Variants in PDE4DIP observed in about 807,000 individuals in gnomAD.
The protein encoded by PDE4DIP is myomegalin.
In PDE4DIP, 59 loss-of-function variants were observed where a neutral mutation model predicts 221.4. The ratio of observed to expected loss-of-function variants is 0.27; its 90% CI spans 0.22 to 0.33. The LOEUF (loss-of-function observed/expected upper bound fraction) is 0.33, where lower values mean the gene tolerates loss of function less well. Among genes scored for constraint, PDE4DIP ranks in the 10% least tolerant of loss-of-function variants. The pLI, the probability that PDE4DIP is intolerant of heterozygous loss-of-function variation, is 1.00. For synonymous variants in PDE4DIP, 404 were observed against 815.9 expected (o/e 0.50, Z 8.60); for missense variants, 1,036 against 2,154.2 (o/e 0.48, Z 10.28).
intron 4 of PDE4DIP, among the ~76,000 whole-genome samples, chr1:148,934,016 T>C (rs1463236650): frequency 6.8e-6 from 1 of 147,952 alleles, no homozygotes; most frequent in Admixed American, 6.8e-5. Flanking sequence ...GTTTCAGGGA[T>C]TGCTGACATC....
chr1:149,030,338 G>T (rs1295614778), intron 43 of PDE4DIP, 60 bp downstream of exon 46: 16 of 1,550,994 alleles, frequency 1.0e-5, no homozygotes, highest in Non-Finnish European at 1.4e-5. Flanking sequence ...ATCACCATCC[G>T]TTAGCAGATC....
At chr1:149,030,323 C>G (rs782209199) in intron 43 of PDE4DIP, 45 bp downstream of exon 46, 2 of 1,551,354 alleles carry the variant, frequency 1.3e-6, no homozygotes, top group Non-Finnish European at 1.7e-6. Flanking sequence ...GCCTGTCCCC[C>G]ACCCATCACC....
chr1:148,967,483 G>T (rs1176112821), intron 12 of PDE4DIP, among the ~76,000 whole-genome samples: 1 of 151,904 alleles, frequency 6.6e-6, no homozygotes, highest in East Asian at 1.9e-4. Context: ...TTATAGCATA[G>T]TGCACTTCCT....
At chr1:148,998,057 C>G (rs1453519021) in intron 22 of PDE4DIP, 86 bp from the exon 26 acceptor site, 2 of 761,600 alleles carry the variant, frequency 2.6e-6, no homozygotes, top group Admixed American at 2.4e-5. Flanking sequence ...TGTTTTTGTT[C>G]TCATTTAAAA....
At chr1:149,024,222 G>A in intron 37 of PDE4DIP, 1 of 504,596 alleles carries the variant, frequency 2.0e-6, no homozygotes. Flanking sequence ...CTCTATAGGT[G>A]CATGTGTGTA....
Position 149,020,320 on chromosome 1 carries a change from C to T in PDE4DIP, c.5944C>T (p.Gln1982Ter). Reference sequence around the variant, plus strand: ...TTTCAGGGAGGAACGTCTTTCCCTCCAGGAAAACGACTCCAGGTAAGAGGG... The same window carrying T: ...TTTCAGGGAGGAACGTCTTTCCCTCTAGGAAAACGACTCCAGGTAAGAGGG... The change falls in exon 36 of 44, where the codon CAG (glutamine) becomes TAG (stop). Residue 1982 changes from glutamine to a stop codon, truncating the protein, a stop_gained. Transcript: ENST00000369354. LOFTEE classifies it high-confidence loss of function. 2 of 485,278 alleles carry T rather than the reference C, an allele frequency of 4.1e-6. No individual in the cohort carries two copies. The highest frequency in any genetic ancestry group is 6.6e-5 in the East Asian group (2 of 30,096). 30.1% of individuals were successfully genotyped at this position (485,278 alleles called of 1,614,324 possible).
intron 21 of PDE4DIP, chr1:148,985,848 G>C (rs2061824773): frequency 1.3e-5 from 2 of 152,096 alleles, no homozygotes; most frequent in African/African-American, 4.8e-5. Context: ...ATGGAGAATA[G>C]GGGTTTTAAG....
rs782125744 is a variant in PDE4DIP at position 148,966,989 on chromosome 1, C to T, written c.1605+13C>T. ...AGCTACTATGCAAGTAAGAGCAAAACCTATCTCTGACTTGGTGTTCCTCTC... is the reference window on the plus strand; with the variant it reads ...AGCTACTATGCAAGTAAGAGCAAAATCTATCTCTGACTTGGTGTTCCTCTC... On this transcript the variant is annotated intron_variant, in intron 12 of 43. Coordinates refer to ENST00000369354, the Ensembl canonical transcript of PDE4DIP. 1.5e-5 allele frequency: 19 copies of T among 1,300,996 alleles called. 2 individuals are homozygous for T. The South Asian group carries it at 2.3e-4, about 16-fold the overall frequency. 80.6% of individuals were successfully genotyped at this position (1,300,996 alleles called of 1,614,324 possible). A position where few individuals can be genotyped will look rare whatever the true frequency, so the allele number is the denominator to read the frequency against.
chr1:148,890,190 T>TGATTGGGAGCTCCAATCACCTTGGGAGC (rs1553435375), intron 1 of PDE4DIP, among the ~76,000 whole-genome samples: 1 of 53,990 alleles, frequency 1.9e-5, no homozygotes, highest in Non-Finnish European at 4.0e-5. Context: ...TGGGAGCTGG[T>TGATTGGGAGCTCCAATCACCTTGGGAGC]TTAAAATGTA....
intron 1 of PDE4DIP, 34 bp from the exon 5 acceptor site, chr1:148,929,163 A>T (rs2047295108): frequency 1.2e-6 from 2 of 1,610,754 alleles, no homozygotes; most frequent in East Asian, 4.5e-5. Context: ...TGTCTGTGGC[A>T]GTTAATAACG....
intron 1 of PDE4DIP, among the ~76,000 whole-genome samples, chr1:148,918,892 T>C (rs1292977940): frequency 1.2e-5 from 1 of 82,882 alleles, no homozygotes; most frequent in East Asian, 2.9e-4. Context: ...ACTGAAACTT[T>C]TCCACTTGGT....
intron 5 of PDE4DIP, among the ~76,000 whole-genome samples, chr1:148,940,900 C>G (rs1390787624): frequency 3.3e-5 from 5 of 152,034 alleles, no homozygotes; most frequent in Admixed American, 1.3e-4. Context: ...GTTCTAGGTT[C>G]AGATGATTGT....
chr1:148,915,129 G>GGTTTTTTTT (rs1553457230), intron 1 of PDE4DIP, among the ~76,000 whole-genome samples: 6 of 146,444 alleles, frequency 4.1e-5, no homozygotes, highest in African/African-American at 1.5e-4. Context: ...GCTTTCTTCT[G>GGTTTTTTTT]GTTTTTTTGT....
chr1:148,935,197 A>T (rs1298879326), intron 4 of PDE4DIP, among the ~76,000 whole-genome samples: 5 of 151,968 alleles, frequency 3.3e-5, no homozygotes, highest in African/African-American at 1.2e-4. Flanking sequence ...CTGGCGACAG[A>T]GCAAGACTCC....
At chr1:149,017,799 G>A (rs141052149) in exon 34 of PDE4DIP, 113 of 1,609,494 alleles carry the variant, frequency 7.0e-5, no homozygotes, top group African/African-American at 6.9e-4. Context: ...CTGCGCCAGC[G>A]CCTGGAGGAA....
chr1:148,994,340 TG>T lies in PDE4DIP; in HGVS notation c.2904+2368del, dbSNP rs587745128. Among the ~76,000 whole-genome samples, 223 of 150,612 alleles carry T rather than the reference TG, an allele frequency of 1.5e-3. 2 individuals carry two copies. Among genetic ancestry groups the T allele is most frequent in the African/African-American group, 5.2e-3 (213 of 40,900 alleles). The stretch of plus-strand genomic sequence containing the variant: ...AGAATAAAGATTCAGGCCCAGGTAG[TG>T]TGCATCTATAGTTGCAGCTACTCAG... On this transcript the variant is annotated intron_variant, in intron 22 of 43. Coordinates refer to ENST00000369354, the Ensembl canonical transcript of PDE4DIP.
intron 17 of PDE4DIP, among the ~76,000 whole-genome samples, chr1:148,976,126 C>T (rs587673160): frequency 5.9e-5 from 9 of 152,276 alleles, no homozygotes; most frequent in African/African-American, 1.9e-4. Flanking sequence ...CTGTTTTTCT[C>T]ACATTTATCA....
intron 1 of PDE4DIP, among the ~76,000 whole-genome samples, chr1:148,820,555 CAAAAAA>C (rs148261220): frequency 2.5e-5 from 1 of 39,372 alleles, no homozygotes; most frequent in African/African-American, 9.0e-5. Flanking sequence ...AACTCCATCT[CAAAAAA>C]AAAAAAAAAA....
intron 21 of PDE4DIP, among the ~76,000 whole-genome samples, chr1:148,987,419 A>AGTC (rs1260420342): frequency 6.6e-6 from 1 of 152,186 alleles, no homozygotes; most frequent in African/African-American, 2.4e-5. Context: ...ATAACATTAA[A>AGTC]GTCAGCAATA....
Sources: gnomAD v4.1 joint callset for allele counts (sites outside exome capture counted in the v4.1 genomes callset) on GRCh38, gnomAD v4.1.1 for gene constraint, MANE v1.5 for transcripts, NCBI Gene and HGNC (gene_info 2026-07-23, HGNC 2026-07-21) for gene names.